ZHX3: variants seen among roughly 807,000 people sequenced by gnomAD.
The protein encoded by ZHX3 is zinc fingers and homeoboxes protein 3.
In ZHX3, 20 loss-of-function variants were observed where a neutral mutation model predicts 64.5. The observed-to-expected ratio is 0.31, with a 90% CI of 0.22 to 0.45. ZHX3 has a LOEUF of 0.45. ZHX3 is among the 20% of genes least tolerant of loss of function. ZHX3 has a pLI of 1.00. For missense variants in ZHX3, 1,041 were observed against 1,195.8 expected, an observed-to-expected ratio of 0.87 and a Z score of 1.91; for synonymous variants, 423 against 461.6, an observed-to-expected ratio of 0.92 and a Z score of 1.07.
chr20:41,261,936 C>G (rs375169744), intron 2 of ZHX3, among the ~76,000 whole-genome samples: 7 of 152,178 alleles, frequency 4.6e-5, no homozygotes, highest in Non-Finnish European at 1.0e-4. Flanking sequence ...GCAAATTAGT[C>G]TCTGCACCCA....
At chr20:41,233,322 T>C (rs2040753455) in intron 2 of ZHX3, among the ~76,000 whole-genome samples, 2 of 152,246 alleles carry the variant, frequency 1.3e-5, no homozygotes, top group Non-Finnish European at 2.9e-5. Context: ...TACTGATCTC[T>C]GTCTGCCAAA....
intron 1 of ZHX3, among the ~76,000 whole-genome samples, chr20:41,275,362 G>A (rs913132904): frequency 3.3e-5 from 5 of 152,088 alleles, no homozygotes; most frequent in Non-Finnish European, 7.4e-5. Flanking sequence ...GTTAGCTAAC[G>A]TAAAATTTGA....
chr20:41,210,817 T>C (rs2039105053), intron 2 of ZHX3, among the ~76,000 whole-genome samples: 3 of 152,192 alleles, frequency 2.0e-5, no homozygotes, highest in African/African-American at 4.8e-5. Context: ...TGTGCACATG[T>C]ACCCTAAAAC....
chr20:41,302,628 C>A (rs1272936308), intron 1 of ZHX3, among the ~76,000 whole-genome samples: 1 of 152,236 alleles, frequency 6.6e-6, no homozygotes, highest in East Asian at 1.9e-4. Context: ...CTATTCTCAA[C>A]CATCTCTCTT....
chr20:41,263,104 A>G (rs561846459), intron 2 of ZHX3, among the ~76,000 whole-genome samples: 1 of 152,346 alleles, frequency 6.6e-6, no homozygotes, highest in African/African-American at 2.4e-5. Context: ...TACAATATAC[A>G]GAAAACATAA....
chr20:41,228,379 C>A lies in ZHX3; in HGVS notation c.-150-23313G>T, dbSNP rs1032240201. On this transcript the variant is annotated intron_variant, in intron 2 of 3. Transcript: ENST00000683867. The surrounding 1 kb of genome is among the most constrained non-coding windows in gnomAD (Gnocchi z 4.6). ...AGCCTAGGTCTACTTCCTAAATCTT[C>A]ATTTCACCTCTCACCATTTGTCTTA... 6.6e-6 allele frequency among the ~76,000 whole-genome samples: 1 copy of A among 152,212 alleles called. No homozygotes were observed. The highest frequency in any genetic ancestry group is 2.4e-5 in the African/African-American group (1 of 41,458).
At chr20:41,295,973 T>G (rs190502212) in intron 1 of ZHX3, among the ~76,000 whole-genome samples, 486 of 152,276 alleles carry the variant, frequency 3.2e-3, no homozygotes, top group Non-Finnish European at 6.1e-3. Flanking sequence ...CTCGTTCAGT[T>G]GGTTGTCCTT....
chr20:41,246,980 G>T (rs1001778941), intron 2 of ZHX3, among the ~76,000 whole-genome samples: 1 of 152,134 alleles, frequency 6.6e-6, no homozygotes, highest in African/African-American at 2.4e-5. Flanking sequence ...TATGTATATG[G>T]CTGGGCATGG....
At chr20:41,235,694 C>T (rs1383094354) in intron 2 of ZHX3, among the ~76,000 whole-genome samples, 1 of 152,142 alleles carries the variant, frequency 6.6e-6, no homozygotes, top group African/African-American at 2.4e-5. Flanking sequence ...GGAAGCATTC[C>T]CTTTGAAAAC....
Position 41,203,222 on chromosome 20 carries a change from G to A in ZHX3, c.1695C>T (p.Ser565=). 2 of 1,614,136 alleles carry A rather than the reference G, an allele frequency of 1.2e-6. No individual in the cohort carries two copies. Among genetic ancestry groups the A allele is most frequent in the Non-Finnish European group, 1.7e-6 (2 of 1,180,024 alleles). Residue 565 remains serine, a synonymous_variant, in exon 3 of 4, where the codon TCC becomes TCT. Coordinates refer to ENST00000683867, the MANE Select transcript of ZHX3 (RefSeq NM_001384317.1). This position sits in a 1 kb window ranked among gnomAD's most constrained non-coding sequence, Gnocchi z 7.1. The stretch of plus-strand genomic sequence containing the variant: ...CCTCTGGCACAGAGTCAATGATGAT[G>A]GAACTGTGATCTCCAGGTATCATCG... ...SRAMIPGDHS[S]IIIDSVPEVS...
intron 1 of ZHX3, among the ~76,000 whole-genome samples, chr20:41,316,003 T>C (rs1450439187): frequency 1.3e-5 from 2 of 150,896 alleles, no homozygotes; most frequent in Admixed American, 6.6e-5. Context: ...GAAATCTTAC[T>C]TCAATATGAA....
At chr20:41,268,275 A>C (rs2042958830) in intron 2 of ZHX3, among the ~76,000 whole-genome samples, 1 of 152,226 alleles carries the variant, frequency 6.6e-6, no homozygotes, top group African/African-American at 2.4e-5. Flanking sequence ...GTTTCTTAAT[A>C]ATGGAAAATA....
In ZHX3 at chr20:41,203,580, G is replaced by A. The variant is rs776959134; in HGVS notation, c.1337C>T (p.Thr446Met). 33 of 1,614,110 alleles carry A rather than the reference G, an allele frequency of 2.0e-5. No individual in the cohort carries two copies. Among genetic ancestry groups the A allele is most frequent in the Middle Eastern group, 1.6e-4 (1 of 6,084 alleles). The change falls in exon 3 of 4, where the codon ACG becomes ATG. Residue 446 changes from threonine to methionine, a missense_variant. Thr to Met is a moderately conservative substitution (Grantham distance 81). Transcript: ENST00000683867. This position sits in a 1 kb window ranked among gnomAD's most constrained non-coding sequence, Gnocchi z 7.1. ...TGGCTGCTTGGGGACGGATGTCACC[G>A]TGAGGGGGAGAGGGGAACTTGTTGC... Reference protein sequence around the residue: ...LQATSSPLPLTVTSVPKQPGV... With the variant: ...LQATSSPLPLMVTSVPKQPGV...
chr20:41,291,611 G>C (rs2044245788), intron 1 of ZHX3, among the ~76,000 whole-genome samples: 1 of 151,522 alleles, frequency 6.6e-6, no homozygotes, highest in African/African-American at 2.4e-5. Flanking sequence ...TGTGGGTTTG[G>C]AATATATGTG....
intron 1 of ZHX3, among the ~76,000 whole-genome samples, chr20:41,314,059 G>A (rs950860813): frequency 6.6e-6 from 1 of 152,050 alleles, no homozygotes; most frequent in Non-Finnish European, 1.5e-5. Flanking sequence ...AGAAGCAACT[G>A]TTTTTTTCCA....
At chr20:41,252,594 A>T (rs903902641) in intron 2 of ZHX3, among the ~76,000 whole-genome samples, 2 of 152,082 alleles carry the variant, frequency 1.3e-5, no homozygotes, top group South Asian at 4.2e-4. Flanking sequence ...GTTTCTCTCT[A>T]ACTTTATCCA....
intron 1 of ZHX3, among the ~76,000 whole-genome samples, chr20:41,285,486 AT>A (rs2043891829): frequency 6.6e-6 from 1 of 152,238 alleles, no homozygotes; most frequent in Non-Finnish European, 1.5e-5. Context: ...TGTTTATAAA[AT>A]GAGGGAGCTG....
chr20:41,227,785 G>C lies in ZHX3; in HGVS notation c.-150-22719C>G, dbSNP rs545597284. On this transcript the variant is annotated intron_variant, in intron 2 of 3. Transcript: ENST00000683867. ...TTGGTTTGTTATTACATATTGGCTG[G>C]TTATTTGTTATTGGTTGTTTCTATG... Among the ~76,000 whole-genome samples the C allele has an allele frequency of 2.6e-5, 4 of 152,220 alleles. No individual in the cohort carries two copies. The South Asian group carries it at 8.3e-4, about 32-fold the overall frequency.
At chr20:41,268,956 T>C (rs2042995446) in intron 2 of ZHX3, 34 bp downstream of exon 2, 1 of 152,240 alleles carries the variant, frequency 6.6e-6, no homozygotes, top group Non-Finnish European at 1.5e-5. Context: ...CTCAGAAGCA[T>C]GCTATTTACC....
Sources: allele counts gnomAD v4.1 joint callset (sites outside exome capture counted in the v4.1 genomes callset), GRCh38; gene constraint gnomAD v4.1.1; non-coding constraint Gnocchi (gnomAD v3.1); transcripts MANE v1.5; gene names NCBI Gene and HGNC (gene_info 2026-07-23, HGNC 2026-07-21).